Variants in TSHZ2 observed in about 807,000 individuals in gnomAD.
TSHZ2 encodes teashirt zinc finger homeobox 2.
TSHZ2 carries 21 observed loss-of-function variants against 74.4 expected under a neutral mutation model. The ratio of observed to expected loss-of-function variants is 0.28; its 90% confidence interval spans 0.20 to 0.41. The LOEUF (loss-of-function observed/expected upper bound fraction) is 0.41. Ranked by LOEUF, TSHZ2 falls within the 10% of genes least tolerant of loss-of-function variation. The pLI, the probability that TSHZ2 is intolerant of heterozygous loss-of-function variation, is 1.00. For synonymous variants in TSHZ2, 540 were observed against 515.3 expected, an observed-to-expected ratio of 1.05 and a Z score of -0.65; for missense variants, 1,244 against 1,293.5, an observed-to-expected ratio of 0.96 and a Z score of 0.59.
At chr20:53,145,374 T>G in intron 1 of TSHZ2, among the ~76,000 whole-genome samples, 1 of 152,248 alleles carries the variant, frequency 6.6e-6, no homozygotes, top group African/African-American at 2.4e-5. Context: ...TTTTCTTTCC[T>G]TATCTGTACA....
chr20:53,138,808 C>CCA (rs1205058116), intron 1 of TSHZ2, among the ~76,000 whole-genome samples: 1 of 152,178 alleles, frequency 6.6e-6, no homozygotes, highest in African/African-American at 2.4e-5. Context: ...CCTTCAATCC[C>CCA]CAGCACTAAG....
At chr20:53,223,078 C>T (rs1989601817) in intron 1 of TSHZ2, among the ~76,000 whole-genome samples, 2 of 152,018 alleles carry the variant, frequency 1.3e-5, no homozygotes. Context: ...CTATGGACAG[C>T]TTGGGTGTCT....
chr20:53,002,055 C>T (rs1303312927), intron 1 of TSHZ2, among the ~76,000 whole-genome samples: 1 of 152,218 alleles, frequency 6.6e-6, no homozygotes, highest in Non-Finnish European at 1.5e-5. Context: ...TTGCTTTTGT[C>T]ACCTTAACTC....
chr20:53,218,544 A>G (rs149169438), intron 1 of TSHZ2, among the ~76,000 whole-genome samples: 85 of 152,286 alleles, frequency 5.6e-4, no homozygotes, highest in African/African-American at 2.0e-3. Flanking sequence ...CATTGGTTCT[A>G]TATTCGCAGA....
chr20:53,401,609 A>C (rs1049251463), intron 2 of TSHZ2, among the ~76,000 whole-genome samples: 4 of 149,174 alleles, frequency 2.7e-5, no homozygotes, highest in African/African-American at 9.9e-5. Flanking sequence ...GTGTCCTCAT[A>C]GCTTAGCTCC....
chr20:53,149,185 T>G (rs1040363512), intron 1 of TSHZ2, among the ~76,000 whole-genome samples: 3 of 152,106 alleles, frequency 2.0e-5, no homozygotes, highest in Non-Finnish European at 2.9e-5. Context: ...TAGGGTTTTT[T>G]TTTTTTTTTT....
chr20:53,292,873 G>A (rs1991306754), intron 2 of TSHZ2, among the ~76,000 whole-genome samples: 1 of 152,214 alleles, frequency 6.6e-6, no homozygotes, highest in Non-Finnish European at 1.5e-5. Context: ...TAAGGTCACA[G>A]ATCCAGTGAG....
chr20:53,091,822 T>G (rs1001793776), intron 1 of TSHZ2, among the ~76,000 whole-genome samples: 9 of 152,052 alleles, frequency 5.9e-5, no homozygotes, highest in Non-Finnish European at 1.3e-4. Context: ...GATTGGAGGA[T>G]CACTAGAACC....
At chr20:53,389,356 C>T (rs529216170) in intron 2 of TSHZ2, among the ~76,000 whole-genome samples, 1 of 152,328 alleles carries the variant, frequency 6.6e-6, no homozygotes, top group East Asian at 1.9e-4. Context: ...CGAAGCTCAA[C>T]TCCTACACGA....
intron 1 of TSHZ2, among the ~76,000 whole-genome samples, chr20:53,169,542 A>G (rs1410691425): frequency 6.6e-6 from 1 of 152,180 alleles, no homozygotes; most frequent in African/African-American, 2.4e-5. Context: ...TCTCTTTTTT[A>G]ACTACATCGC....
At chr20:53,238,989 T>C (rs888281717) in intron 1 of TSHZ2, among the ~76,000 whole-genome samples, 3 of 151,726 alleles carry the variant, frequency 2.0e-5, no homozygotes, top group Non-Finnish European at 4.4e-5. Flanking sequence ...CAGTAGGAAA[T>C]GGATGGTGGT....
chr20:53,330,171 A>G (rs1979668281), intron 2 of TSHZ2, among the ~76,000 whole-genome samples: 1 of 150,880 alleles, frequency 6.6e-6, no homozygotes, highest in South Asian at 2.1e-4. Flanking sequence ...TTTATCTTTT[A>G]CATAGTCTTT....
At chr20:53,406,903 C>T (rs539949401) in intron 2 of TSHZ2, among the ~76,000 whole-genome samples, 5 of 152,218 alleles carry the variant, frequency 3.3e-5, no homozygotes, top group Admixed American at 2.0e-4. Context: ...AAATGCAACC[C>T]AAATGTCAAC....
intron 1 of TSHZ2, among the ~76,000 whole-genome samples, chr20:53,212,223 T>A (rs1989327110): frequency 6.6e-6 from 1 of 152,176 alleles, no homozygotes; most frequent in Admixed American, 6.5e-5. Flanking sequence ...GAACAATGAC[T>A]TTGCAATAAT....
intron 2 of TSHZ2, among the ~76,000 whole-genome samples, chr20:53,332,808 G>A (rs1979779889): frequency 1.3e-5 from 2 of 152,114 alleles, no homozygotes; most frequent in African/African-American, 4.8e-5. Flanking sequence ...TCAAATCCTG[G>A]CAGATGCATT....
In TSHZ2 at chr20:53,422,047, C is replaced by T. The variant is rs184966483; in HGVS notation, c.*9-65097C>T. 2.9e-3 allele frequency among the ~76,000 whole-genome samples: 437 copies of T among 152,252 alleles called. 2 individuals are homozygous for T. The highest frequency in any genetic ancestry group is 5.6e-3 in the Admixed American group (86 of 15,286). On this transcript the variant is annotated intron_variant, in intron 2 of 2. Coordinates refer to ENST00000371497, the MANE Select transcript of TSHZ2 (RefSeq NM_173485.6). ...AGCTCAGGAGAGCACCCCGCCACCCCATTTCTCACAGTACCGTATCATATT... is the reference window on the plus strand; with the variant it reads ...AGCTCAGGAGAGCACCCCGCCACCCTATTTCTCACAGTACCGTATCATATT...
At chr20:53,185,076 G>A (rs1407331625) in intron 1 of TSHZ2, among the ~76,000 whole-genome samples, 1 of 152,102 alleles carries the variant, frequency 6.6e-6, no homozygotes, top group South Asian at 2.1e-4. Flanking sequence ...CTAAATTCAG[G>A]AACACGTGTT....
chr20:53,280,566 A>G (rs1991035799), intron 2 of TSHZ2, among the ~76,000 whole-genome samples: 1 of 152,212 alleles, frequency 6.6e-6, no homozygotes, highest in South Asian at 2.1e-4. Context: ...GTCCTGGTTT[A>G]GAAGATCCAC....
Position 53,485,524 on chromosome 20 carries a change from C to T in TSHZ2, c.*9-1620C>T, listed in dbSNP as rs531146627. On this transcript the variant is annotated intron_variant, in intron 2 of 2. Coordinates refer to ENST00000371497, the MANE Select transcript of TSHZ2 (RefSeq NM_173485.6). ...AGGAGTTCAAGACTAGCCTGGCCAA[C>T]ATGGTGAAACCCTGTCTCTACTAAA... Among the ~76,000 whole-genome samples, 349 of 152,260 alleles carry T rather than the reference C, an allele frequency of 2.3e-3. 2 individuals carry two copies. The highest frequency in any genetic ancestry group is 8.1e-3 in the African/African-American group (335 of 41,542).
Sources: allele counts gnomAD v4.1 joint callset (sites outside exome capture counted in the v4.1 genomes callset), GRCh38; gene constraint gnomAD v4.1.1; transcripts MANE v1.5; gene names NCBI Gene and HGNC (gene_info 2026-07-23, HGNC 2026-07-21).